Variants in KCTD19 observed in about 807,000 individuals in gnomAD.
KCTD19 encodes the protein potassium channel tetramerization domain containing 19.
Under a neutral mutation model 103.5 loss-of-function variants are expected in KCTD19, and 67 were observed. The ratio of observed to expected loss-of-function variants is 0.65; its 90% CI spans 0.53 to 0.79. The LOEUF (loss-of-function observed/expected upper bound fraction) is 0.79. Ranked by LOEUF, KCTD19 falls within the 30% of genes least tolerant of loss-of-function variation. KCTD19 has a pLI of 0.00. For synonymous variants in KCTD19, 439 were observed against 452.2 expected (o/e 0.97, Z 0.37); for missense variants, 980 against 1,136.1 (o/e 0.86, Z 1.98).
chr16:67,295,770 A>G (rs1244316006), intron 8 of KCTD19: 13 of 317,192 alleles, frequency 4.1e-5, no homozygotes, highest in South Asian at 3.2e-4. Context: ...TTTGAGGCAG[A>G]GTCACACTCC....
chr16:67,325,207 C>CTTTTTTTTTTTTTTTTTTTTTTTCTTT (rs10695930), intron 1 of KCTD19, among the ~76,000 whole-genome samples: 1 of 113,174 alleles, frequency 8.8e-6, no homozygotes, highest in Non-Finnish European at 1.8e-5. Flanking sequence ...TTCTTTTTTT[C>CTTTTTTTTTTTTTTTTTTTTTTTCTTT]TTTTTTTTTT....
chr16:67,324,737 G>A (rs985629547), intron 1 of KCTD19, among the ~76,000 whole-genome samples: 1 of 152,114 alleles, frequency 6.6e-6, no homozygotes, highest in African/African-American at 2.4e-5. Context: ...AGAAAGAATG[G>A]GATGGGGTCC....
intron 1 of KCTD19, among the ~76,000 whole-genome samples, chr16:67,325,534 G>T (rs952088093): frequency 6.6e-6 from 1 of 151,968 alleles, no homozygotes; most frequent in Non-Finnish European, 1.5e-5. Flanking sequence ...GAGCCACCAC[G>T]CCCAGCCCAC....
chr16:67,295,556 T>G, intron 8 of KCTD19, 151 bp from the exon 9 acceptor site: 1 of 718,986 alleles, frequency 1.4e-6, no homozygotes, highest in Non-Finnish European at 2.2e-6. Context: ...GGAACCATGG[T>G]GGGGAGCAGA....
rs2037067302 is a variant in KCTD19 at position 67,320,995 on chromosome 16, T to C, written c.4-110A>G. On this transcript the variant is annotated intron_variant, in intron 1 of 15. Transcript: ENST00000304372. This position sits in a 1 kb window ranked among gnomAD's most constrained non-coding sequence, Gnocchi z 4.0. ...TGTTTGCTGATGACATGATCTTGTA[T>C]ATAAAAAATCCTAAGGAATTCACCA... is the stretch of plus-strand genomic sequence containing the variant. 6 of 995,614 alleles carry C rather than the reference T, an allele frequency of 6.0e-6. No individual in the cohort carries two copies. The highest frequency in any genetic ancestry group is 2.6e-5 in the East Asian group (1 of 39,204). 61.7% of individuals were successfully genotyped at this position (995,614 alleles called of 1,614,324 possible).
intron 4 of KCTD19, chr16:67,302,220 G>C (rs2036841950): frequency 3.5e-6 from 1 of 289,440 alleles, no homozygotes; most frequent in Non-Finnish European, 6.6e-6. Context: ...TACCCTGTGA[G>C]TTTTGACCCA....
At chr16:67,315,194 C>A (rs1447499366) in intron 2 of KCTD19, among the ~76,000 whole-genome samples, 1 of 152,066 alleles carries the variant, frequency 6.6e-6, no homozygotes. Flanking sequence ...GATCTGGCTT[C>A]CTCTGATCTC....
At chr16:67,304,667 C>A in intron 2 of KCTD19, 96 bp from the exon 3 acceptor site, 3 of 851,768 alleles carry the variant, frequency 3.5e-6, no homozygotes, top group Non-Finnish European at 5.3e-6. Flanking sequence ...ATGTGACTTA[C>A]TTTTTTTTTT....
rs1248958205 is a variant in KCTD19, at chr16:67,323,516, C to T, written c.4-2631G>A. Among the ~76,000 whole-genome samples, 3 of 151,808 alleles carry T rather than the reference C, an allele frequency of 2.0e-5. No individual in the cohort carries two copies. The highest frequency in any genetic ancestry group is 6.6e-5 in the Admixed American group (1 of 15,226). ...CCAGCCTGGGCGTCAGAGTGAGGCA[C>T]GTCTCTAAAAAAATAAAAAATAAAA... On this transcript the variant is annotated intron_variant, in intron 1 of 15. Coordinates refer to ENST00000304372, the MANE Select transcript of KCTD19 (RefSeq NM_001100915.3). This position sits in a 1 kb window ranked among gnomAD's most constrained non-coding sequence, Gnocchi z 4.1.
In KCTD19 at chr16:67,295,037, G is replaced by T. The variant is rs771350240; in HGVS notation, c.1411C>A (p.Gln471Lys). 1 of 1,613,956 alleles carries T rather than the reference G, an allele frequency of 6.2e-7. No individual in the cohort carries two copies. Among genetic ancestry groups the T allele is most frequent in the Non-Finnish European group, 8.5e-7 (1 of 1,179,822 alleles). Residue 471 changes from glutamine (Q) to lysine (K), a missense_variant, in exon 10 of 16, where the codon CAG (glutamine) becomes AAG (lysine). By Grantham distance (53) the Gln-to-Lys change is moderately conservative. Transcript: ENST00000304372. ...SEFKEWPLFC[Q>K]EVEEYHIPSL... ...GGAATGTGGTATTCCTCCACCTCCTGGCAGAAGAGGGGCCATTCCCTGCAA... is the reference window on the plus strand; with the variant it reads ...GGAATGTGGTATTCCTCCACCTCCTTGCAGAAGAGGGGCCATTCCCTGCAA...
chr16:67,308,803 T>C (rs2036920712), intron 2 of KCTD19, among the ~76,000 whole-genome samples: 1 of 152,062 alleles, frequency 6.6e-6, no homozygotes, highest in Non-Finnish European at 1.5e-5. Flanking sequence ...CCATTTTGTG[T>C]TCTAGAACCT....
intron 2 of KCTD19, among the ~76,000 whole-genome samples, chr16:67,312,505 A>G (rs1343757560): frequency 1.3e-5 from 2 of 152,006 alleles, no homozygotes; most frequent in African/African-American, 2.4e-5. Context: ...ATGACTCCCA[A>G]ATTTTTATCT....
intron 13 of KCTD19, 72 bp from the exon 14 acceptor site, chr16:67,291,535 G>T (rs1308114644): frequency 8.3e-6 from 13 of 1,574,974 alleles, no homozygotes; most frequent in Non-Finnish European, 1.1e-5. Flanking sequence ...GTGAGGAGGG[G>T]GAGAGGGGTA....
At chr16:67,312,401 T>C (rs563778861) in intron 2 of KCTD19, among the ~76,000 whole-genome samples, 2 of 152,346 alleles carry the variant, frequency 1.3e-5, no homozygotes, top group African/African-American at 4.8e-5. Context: ...GTGATATTAA[T>C]GTGTGGACCT....
At position 67,303,083 on chromosome 16, in the gene KCTD19, AT is replaced by A. The variant is rs755614562; in HGVS notation, c.643+62del. On this transcript the variant is annotated intron_variant, in intron 4 of 15. Coordinates refer to ENST00000304372, the MANE Select transcript of KCTD19 (RefSeq NM_001100915.3). This position sits in a 1 kb window ranked among gnomAD's most constrained non-coding sequence, Gnocchi z 4.3. ...AAGCTGGGCCTCTGTGGGACATGTG[AT>A]GGGGAGGGGTGAATGGGCCCTATCA... is the stretch of plus-strand genomic sequence containing the variant. 10 of 1,482,068 alleles carry A rather than the reference AT, an allele frequency of 6.7e-6. No individual in the cohort carries two copies. The highest frequency in any genetic ancestry group is 9.4e-6 in the Non-Finnish European group (10 of 1,067,424). The allele number at this position is 1,482,068 out of a possible 1,614,324, so 91.8% of individuals were successfully genotyped here. A position where few individuals can be genotyped will look rare whatever the true frequency, so the allele number is the denominator to read the frequency against.
In KCTD19 at chr16:67,326,740, G is replaced by C. The variant is rs763381133; in HGVS notation, c.-33C>G. The C allele has an allele frequency of 1.3e-6, 2 of 1,564,948 alleles. No individual in the cohort carries two copies. The highest frequency in any genetic ancestry group is 1.7e-6 in the Non-Finnish European group (2 of 1,161,430). ...GCTCCAGCAGCGGGCGGGCGGGCTT[G>C]TGACCCGGCCAATAACGGTTCCCGG... On this transcript the variant is annotated 5_prime_UTR_variant, in exon 1 of 16. Transcript: ENST00000304372.
In KCTD19 at chr16:67,303,198, C is replaced by T; in HGVS notation, c.591G>A (p.Leu197=). The change falls in exon 4 of 16, where the codon CTG becomes CTA. Residue 197 remains leucine, a synonymous_variant. Coordinates refer to ENST00000304372, the MANE Select transcript of KCTD19 (RefSeq NM_001100915.3). The surrounding 1 kb of genome is among the most constrained non-coding windows in gnomAD (Gnocchi z 4.3). The part of the protein sequence containing the change: ...SLVTEDNLLW[L]AETVALIECE... ...ACTCGATGAGGGCCACCGTCTCAGC[C>T]AGCCACAGCAGGTTGTCTTCAGTCA... The T allele has an allele frequency of 6.2e-7, 1 of 1,613,656 alleles. No individual in the cohort carries two copies. The highest frequency in any genetic ancestry group is 8.5e-7 in the Non-Finnish European group (1 of 1,179,834).
intron 2 of KCTD19, among the ~76,000 whole-genome samples, chr16:67,318,689 A>G (rs2037039082): frequency 6.6e-6 from 1 of 152,050 alleles, no homozygotes; most frequent in African/African-American, 2.4e-5. Context: ...CATGTTCTTT[A>G]AAAATTGCCT....
intron 2 of KCTD19, among the ~76,000 whole-genome samples, chr16:67,313,213 G>A (rs1307984713): frequency 6.6e-6 from 1 of 151,532 alleles, no homozygotes; most frequent in African/African-American, 2.4e-5. Context: ...AGGTTCAAGC[G>A]ATTCTCTCAT....
Sources: gnomAD v4.1 joint callset for allele counts (sites outside exome capture counted in the v4.1 genomes callset) on GRCh38, gnomAD v4.1.1 for gene constraint, Gnocchi (gnomAD v3.1) non-coding constraint, MANE v1.5 for transcripts, NCBI Gene and HGNC (gene_info 2026-07-23, HGNC 2026-07-21) for gene names.